GALR1: variants seen among roughly 807,000 people sequenced by gnomAD.
GALR1 encodes galanin receptor type 1.
In GALR1, 11 loss-of-function variants were observed where a neutral mutation model predicts 17.9. That is an observed-to-expected ratio of 0.62 (90% CI 0.39 to 1.02). The LOEUF is 1.02. Ranked by LOEUF, GALR1 falls within the 50% of genes least tolerant of loss-of-function variation. The pLI, the probability that GALR1 is intolerant of heterozygous loss-of-function variation, is 0.01. For missense variants in GALR1, 441 were observed against 456.9 expected (o/e 0.97, Z 0.32); for synonymous variants, 206 against 205.7 (o/e 1.00, Z -0.01).
At chr18:77,256,905 G>A (rs1040504596) in intron 2 of GALR1, among the ~76,000 whole-genome samples, 14 of 152,118 alleles carry the variant, frequency 9.2e-5, no homozygotes, top group Admixed American at 6.5e-5. Context: ...ACAAATCAAG[G>A]TTAAATGAAC....
chr18:77,252,935 CCACCACCACCACCAT>C (rs1568139109), intron 1 of GALR1, among the ~76,000 whole-genome samples: 12 of 45,770 alleles, frequency 2.6e-4, no homozygotes, highest in Admixed American at 7.3e-4. Flanking sequence ...ACCACCACCA[CCACCACCACCACCAT>C]CACCACCATC....
rs563209773 is a variant in GALR1, at chr18:77,258,123, A to G, written c.732+1900A>G. Among the ~76,000 whole-genome samples the G allele has an allele frequency of 2.8e-4, 42 of 152,346 alleles. No homozygotes were observed. In the South Asian group the frequency reaches 8.7e-3, roughly 32 times the overall value. ...ATTAGAAAAGCTTCTATTTTATTTT[A>G]CAATAAAAAACCTAAAGATCAGTGA... On this transcript the variant is annotated intron_variant, in intron 2 of 2. Coordinates refer to ENST00000299727, the MANE Select transcript of GALR1 (RefSeq NM_001480.4).
intron 2 of GALR1, among the ~76,000 whole-genome samples, chr18:77,261,000 GT>G (rs35156015): frequency 0.71 from 103,330 of 145,508 alleles, 36,255 homozygotes; most frequent in East Asian, 0.91. Flanking sequence ...AATTTGTGAG[GT>G]TTTTTTTTTT....
rs1956016458 is a variant in GALR1 at position 77,276,306 on chromosome 18, CTG to C, written c.*7406_*7407del. ...GGATACTGAGGGTTTGGTCTGAATT[CTG>C]TTTTTTCATTGCTACTGGAAGTGCT... On this transcript the variant is annotated 3_prime_UTR_variant, in exon 3 of 3. Coordinates refer to ENST00000299727, the MANE Select transcript of GALR1 (RefSeq NM_001480.4). 2 of 152,160 alleles carry C rather than the reference CTG, an allele frequency of 1.3e-5. No homozygotes were observed. Among genetic ancestry groups the C allele is most frequent in the South Asian group, 2.1e-4 (1 of 4,832 alleles). The allele number at this position is 152,160 out of a possible 1,614,324, so 9.4% of individuals were successfully genotyped here. A position where few individuals can be genotyped will look rare whatever the true frequency, so the allele number is the denominator to read the frequency against.
Position 77,271,980 on chromosome 18 carries a change from A to T in GALR1, c.*3078A>T, listed in dbSNP as rs574709999. On this transcript the variant is annotated 3_prime_UTR_variant, in exon 3 of 3. Transcript: ENST00000299727. ...GGGTATGTACTCAGCAACATGGGGG[A>T]CTGAGGCCATTTTCTGAATACTTTA... The T allele has an allele frequency of 7.4e-6, 1 of 135,396 alleles. No individual in the cohort carries two copies. The highest frequency in any genetic ancestry group is 7.4e-5 in the Admixed American group (1 of 13,504). The allele number at this position is 135,396 out of a possible 1,614,324, so 8.4% of individuals were successfully genotyped here.
At position 77,276,975 on chromosome 18, in the gene GALR1, G is replaced by T. The variant is rs147389605; in HGVS notation, c.*8073G>T. On this transcript the variant is annotated 3_prime_UTR_variant, in exon 3 of 3. Transcript: ENST00000299727. ...AAAAGAGCACCTATGCATTCAATTT[G>T]TTTCCCTCAAATGCTAAGGGTTAAA... is the stretch of plus-strand genomic sequence containing the variant. 3.3e-5 allele frequency: 5 copies of T among 152,236 alleles called. No homozygotes were observed. In the South Asian group the frequency reaches 8.3e-4, roughly 25 times the overall value. The allele number at this position is 152,236 out of a possible 1,614,324, so 9.4% of individuals were successfully genotyped here.
rs760558139 is a variant in GALR1 at position 77,251,161 on chromosome 18, T to G, written c.613T>G (p.Phe205Val). 1.9e-6 allele frequency: 3 copies of G among 1,611,392 alleles called. No homozygotes were observed. The highest frequency in any genetic ancestry group is 1.3e-5 in the African/African-American group (1 of 74,906). Residue 205 changes from phenylalanine to valine, a missense_variant, in exon 1 of 3, where the codon TTC becomes GTC. Coordinates refer to ENST00000299727, the MANE Select transcript of GALR1 (RefSeq NM_001480.4). ...CAAGAAGGCCTACGTGGTGTGCACCTTCGTCTTCGGCTACCTGCTGCCGCT... is the reference window on the plus strand; with the variant it reads ...CAAGAAGGCCTACGTGGTGTGCACCGTCGTCTTCGGCTACCTGCTGCCGCT... ...RHKKAYVVCTFVFGYLLPLLL... is the reference protein window; with the variant it reads ...RHKKAYVVCTVVFGYLLPLLL...
chr18:77,276,920 T>G lies in GALR1; in HGVS notation c.*8018T>G, dbSNP rs545423551. The G allele has an allele frequency of 1.3e-5, 2 of 152,224 alleles. No homozygotes were observed. The highest frequency in any genetic ancestry group is 1.9e-4 in the East Asian group (1 of 5,186). 9.4% of individuals were successfully genotyped at this position (152,224 alleles called of 1,614,324 possible). ...TTCAGAGATTGTTATAATTTTTGCCTCAAAAAAATAAAATAAAATAGCTTG... is the reference window on the plus strand; with the variant it reads ...TTCAGAGATTGTTATAATTTTTGCCGCAAAAAAATAAAATAAAATAGCTTG... On this transcript the variant is annotated 3_prime_UTR_variant, in exon 3 of 3. Transcript: ENST00000299727.
In GALR1 at chr18:77,250,473, T is replaced by C. The variant is rs1912372376; in HGVS notation, c.-76T>C. 7.2e-7 allele frequency: 1 copy of C among 1,380,142 alleles called. No individual in the cohort carries two copies. Among genetic ancestry groups the C allele is most frequent in the Non-Finnish European group, 9.4e-7 (1 of 1,068,684 alleles). The allele number at this position is 1,380,142 out of a possible 1,614,324, so 85.5% of individuals were successfully genotyped here. A position where few individuals can be genotyped will look rare whatever the true frequency, so the allele number is the denominator to read the frequency against. ...TCTCCGTGCTTTGCGCCGGGACCCC[T>C]GGCCACCCCCGGCGCCTACTATCCC... On this transcript the variant is annotated 5_prime_UTR_variant, in exon 1 of 3. Coordinates refer to ENST00000299727, the MANE Select transcript of GALR1 (RefSeq NM_001480.4).
chr18:77,258,844 G>GAT (rs1912699873), intron 2 of GALR1, among the ~76,000 whole-genome samples: 2 of 4,982 alleles, frequency 4.0e-4, no homozygotes, highest in Admixed American at 2.4e-3. Flanking sequence ...TGGTGGTGAT[G>GAT]GTGGTGGTGA....
At chr18:77,262,560 A>T (rs1912855845) in intron 2 of GALR1, among the ~76,000 whole-genome samples, 1 of 152,214 alleles carries the variant, frequency 6.6e-6, no homozygotes, top group African/African-American at 2.4e-5. Context: ...CTCACCTCAA[A>T]GATAGCAGGA....
chr18:77,259,480 G>C (rs1278341952), intron 2 of GALR1, among the ~76,000 whole-genome samples: 1 of 145,656 alleles, frequency 6.9e-6, no homozygotes, highest in Non-Finnish European at 1.5e-5. Context: ...GGTGGCGATT[G>C]TGATGGTGAT....
At chr18:77,265,294 C>A (rs1043446851) in intron 2 of GALR1, among the ~76,000 whole-genome samples, 4 of 152,220 alleles carry the variant, frequency 2.6e-5, no homozygotes, top group Non-Finnish European at 5.9e-5. Flanking sequence ...CTTAAAGCTC[C>A]AAAATGATCT....
rs1432836504 is a variant in GALR1 at position 77,276,842 on chromosome 18, C to G, written c.*7940C>G. 3.3e-5 allele frequency: 5 copies of G among 152,142 alleles called. No individual in the cohort carries two copies. The highest frequency in any genetic ancestry group is 1.2e-4 in the African/African-American group (5 of 41,420). The allele number at this position is 152,142 out of a possible 1,614,324, so 9.4% of individuals were successfully genotyped here. ...TTTAACTATTACATTACCCTAGCTACAGAAATTTGTAAGTTTTCAAAAGCA... is the reference window on the plus strand; with the variant it reads ...TTTAACTATTACATTACCCTAGCTAGAGAAATTTGTAAGTTTTCAAAAGCA... On this transcript the variant is annotated 3_prime_UTR_variant, in exon 3 of 3. Transcript: ENST00000299727.
intron 2 of GALR1, among the ~76,000 whole-genome samples, chr18:77,259,854 CAG>C (rs1346725996): frequency 6.6e-6 from 1 of 151,814 alleles, no homozygotes; most frequent in Admixed American, 6.6e-5. Flanking sequence ...AGAGGTGAGA[CAG>C]GGGAGACTCG....
chr18:77,253,228 C>A (rs1261095957), intron 1 of GALR1, among the ~76,000 whole-genome samples: 1 of 152,052 alleles, frequency 6.6e-6, no homozygotes, highest in African/African-American at 2.4e-5. Flanking sequence ...TGGCTTGGAG[C>A]TATTTTATTA....
At chr18:77,257,886 A>G (rs185778086) in intron 2 of GALR1, among the ~76,000 whole-genome samples, 1 of 152,374 alleles carries the variant, frequency 6.6e-6, no homozygotes, top group East Asian at 1.9e-4. Flanking sequence ...TTTAACTGAG[A>G]AGACACCATT....
At chr18:77,266,791 A>G (rs1343641365) in intron 2 of GALR1, among the ~76,000 whole-genome samples, 1 of 152,218 alleles carries the variant, frequency 6.6e-6, no homozygotes, top group Non-Finnish European at 1.5e-5. Flanking sequence ...TCACGAGAAC[A>G]GCATGAAGGT....
chr18:77,256,614 G>A (rs185580398), intron 2 of GALR1, among the ~76,000 whole-genome samples: 8 of 152,198 alleles, frequency 5.3e-5, no homozygotes, highest in Admixed American at 2.0e-4. Flanking sequence ...ATGTGATTCC[G>A]AAAAGCCCTG....
Sources: gnomAD v4.1 joint callset for allele counts (sites outside exome capture counted in the v4.1 genomes callset) on GRCh38, gnomAD v4.1.1 for gene constraint, MANE v1.5 for transcripts, NCBI Gene and HGNC (gene_info 2026-07-23, HGNC 2026-07-21) for gene names.